Variants in XIRP2 observed in about 807,000 individuals in gnomAD.
The protein encoded by XIRP2 is xin actin-binding repeat-containing protein 2.
A neutral mutation model predicts 277.0 loss-of-function variants in XIRP2; 236 were observed. That is an observed-to-expected ratio of 0.85 (90% CI 0.77 to 0.95). The LOEUF is 0.95. Ranked by LOEUF, XIRP2 falls within the 40% of genes least tolerant of loss-of-function variation. XIRP2 has a pLI of 0.00. For missense variants in XIRP2, 4,640 were observed against 4,157.5 expected (o/e 1.12, Z -3.19); for synonymous variants, 1,490 against 1,416.5 (o/e 1.05, Z -1.17).
At position 167,245,807 on chromosome 2, in the gene XIRP2, A is replaced by C. The variant is rs1330913010; in HGVS notation, c.4415A>C (p.Glu1472Ala). ...DELRGEGLEY[E>A]NIKTVTQEDV... ...CTGAGAGGAGAAGGGTTAGAATATG[A>C]AAATATCAAGACAGTCACTCAGGAA... Residue 1472 changes from glutamate (E) to alanine (A), a missense_variant, in exon 9 of 11, where the codon GAA becomes GCA. Coordinates refer to ENST00000409195, the MANE Select transcript of XIRP2 (RefSeq NM_152381.6). 6.2e-7 allele frequency: 1 copy of C among 1,613,658 alleles called. No individual in the cohort carries two copies.
At position 167,258,193 on chromosome 2, in the gene XIRP2, C is replaced by A. The variant is rs767893817; in HGVS notation, c.*376C>A. On this transcript the variant is annotated 3_prime_UTR_variant, in exon 11 of 11. Transcript: ENST00000409195. Reference sequence around the variant, plus strand: ...CTTCCAAGGAGATCCCTAAGAAAACCTTACCCTTTGAGGAAGAGCTCAAAA... The same window carrying A: ...CTTCCAAGGAGATCCCTAAGAAAACATTACCCTTTGAGGAAGAGCTCAAAA... 6.2e-7 allele frequency: 1 copy of A among 1,613,018 alleles called. No homozygotes were observed. The highest frequency in any genetic ancestry group is 8.5e-7 in the Non-Finnish European group (1 of 1,179,560).
At chr2:167,078,413 G>A (rs1418934212) in intron 2 of XIRP2, among the ~76,000 whole-genome samples, 1 of 152,170 alleles carries the variant, frequency 6.6e-6, no homozygotes, top group Non-Finnish European at 1.5e-5. Flanking sequence ...TATTGTCAAT[G>A]AGGAGAGATA....
chr2:167,115,964 T>C (rs1364408690), intron 2 of XIRP2, among the ~76,000 whole-genome samples: 1 of 152,218 alleles, frequency 6.6e-6, no homozygotes, highest in African/African-American at 2.4e-5. Flanking sequence ...CTGTTTTTGA[T>C]CTCTAGATTG....
At chr2:166,907,515 A>T (rs191726366) in intron 2 of XIRP2, among the ~76,000 whole-genome samples, 2 of 152,146 alleles carry the variant, frequency 1.3e-5, no homozygotes, top group Admixed American at 1.3e-4. Flanking sequence ...GTCAGCGGGA[A>T]TCTGGCTATT....
At chr2:167,024,203 C>G (rs1192867873) in intron 2 of XIRP2, among the ~76,000 whole-genome samples, 4 of 151,980 alleles carry the variant, frequency 2.6e-5, no homozygotes, top group African/African-American at 4.8e-5. Flanking sequence ...GTATTTTATT[C>G]TCTTTGAAGC....
intron 2 of XIRP2, among the ~76,000 whole-genome samples, chr2:167,055,958 T>C (rs1038357311): frequency 1.3e-5 from 2 of 152,168 alleles, no homozygotes; most frequent in African/African-American, 4.8e-5. Context: ...TTTATAATTA[T>C]GTAATGTACC....
intron 2 of XIRP2, among the ~76,000 whole-genome samples, chr2:166,918,493 T>C (rs1054771638): frequency 6.6e-5 from 10 of 152,254 alleles, no homozygotes; most frequent in Non-Finnish European, 1.3e-4. Context: ...GGAAAAAATA[T>C]TCACTTATGG....
chr2:167,184,305 T>C (rs954558759), intron 3 of XIRP2, among the ~76,000 whole-genome samples: 1 of 152,220 alleles, frequency 6.6e-6, no homozygotes, highest in Non-Finnish European at 1.5e-5. Context: ...TTTCAACTGT[T>C]ACCAGCCCTC....
In XIRP2 at chr2:167,135,965, C is replaced by A; in HGVS notation, c.465C>A (p.Ser155Arg). The change falls in exon 3 of 11, where the codon AGC becomes AGA. Residue 155 changes from serine (S) to arginine (R), a missense_variant. Physicochemically the swap from Ser to Arg is moderately radical, Grantham distance 110. Coordinates refer to ENST00000409195, the MANE Select transcript of XIRP2 (RefSeq NM_152381.6). The part of the protein sequence containing the change: ...CSPAFKSHPG[S>R]QLEDSVKDSD... The stretch of plus-strand genomic sequence containing the variant: ...CAGCTTTTAAGAGTCACCCTGGGAG[C>A]CAGCTGGAGGATTCTGTGAAAGATT... 6.2e-7 allele frequency: 1 copy of A among 1,610,928 alleles called. No individual in the cohort carries two copies. Among genetic ancestry groups the A allele is most frequent in the Admixed American group, 1.7e-5 (1 of 59,354 alleles).
chr2:167,023,074 G>A (rs1402220224), intron 2 of XIRP2, among the ~76,000 whole-genome samples: 3 of 152,194 alleles, frequency 2.0e-5, no homozygotes, highest in Admixed American at 1.3e-4. Context: ...CCCACCAACA[G>A]TGTAAAAGTA....
At chr2:167,235,012 C>T (rs1322695818) in intron 5 of XIRP2, among the ~76,000 whole-genome samples, 1 of 151,726 alleles carries the variant, frequency 6.6e-6, no homozygotes, top group Non-Finnish European at 1.5e-5. Context: ...TTTTTCTTTT[C>T]CTATGTTGAA....
chr2:166,931,479 C>T (rs754360778), intron 2 of XIRP2, among the ~76,000 whole-genome samples: 4 of 152,152 alleles, frequency 2.6e-5, no homozygotes, highest in Non-Finnish European at 5.9e-5. Flanking sequence ...GATTAGATTT[C>T]CAGCACCACT....
chr2:167,021,934 T>C (rs532893832), intron 2 of XIRP2, among the ~76,000 whole-genome samples: 1 of 152,272 alleles, frequency 6.6e-6, no homozygotes, highest in African/African-American at 2.4e-5. Context: ...TTCAGATTTA[T>C]TTTCTGTATT....
In XIRP2 at chr2:166,916,385, C is replaced by T. The variant is rs1420704013; in HGVS notation, c.408+12495C>T. 3.3e-5 allele frequency among the ~76,000 whole-genome samples: 5 copies of T among 152,164 alleles called. No individual in the cohort carries two copies. In the East Asian group the frequency reaches 9.6e-4, roughly 29 times the overall value. ...TCTGACTCCCCATTCCCCACCCTCT[C>T]CTCTCATCAGTGTTTCTGAGGTAAC... On this transcript the variant is annotated intron_variant, in intron 2 of 10. Coordinates refer to ENST00000409195, the MANE Select transcript of XIRP2 (RefSeq NM_152381.6).
At chr2:166,892,346 T>C (rs983640342) in intron 1 of XIRP2, among the ~76,000 whole-genome samples, 1 of 151,684 alleles carries the variant, frequency 6.6e-6, no homozygotes, top group Non-Finnish European at 1.5e-5. Context: ...TGGGCCGGAG[T>C]ATGGTGGGTG....
At chr2:166,927,591 C>T (rs567658597) in intron 2 of XIRP2, among the ~76,000 whole-genome samples, 5 of 152,254 alleles carry the variant, frequency 3.3e-5, no homozygotes, top group South Asian at 2.1e-4. Flanking sequence ...CTCTGACCCC[C>T]GCTTCTACTT....
intron 2 of XIRP2, among the ~76,000 whole-genome samples, chr2:167,023,485 T>A (rs946783832): frequency 3.9e-5 from 6 of 152,046 alleles, no homozygotes; most frequent in South Asian, 4.2e-4. Flanking sequence ...CAATTTTGTC[T>A]TTTGTTGCCA....
At chr2:166,978,617 T>C (rs1051092453) in intron 2 of XIRP2, among the ~76,000 whole-genome samples, 1 of 152,204 alleles carries the variant, frequency 6.6e-6, no homozygotes, top group African/African-American at 2.4e-5. Context: ...GCTTTATTCT[T>C]TTGGGATATT....
chr2:167,212,765 G>T (rs1694092137), intron 4 of XIRP2, among the ~76,000 whole-genome samples: 1 of 152,152 alleles, frequency 6.6e-6, no homozygotes, highest in Middle Eastern at 3.4e-3. Flanking sequence ...ATATGGTTTG[G>T]CCCTAAGCAA....
Sources: allele counts gnomAD v4.1 joint callset (sites outside exome capture counted in the v4.1 genomes callset), GRCh38; gene constraint gnomAD v4.1.1; transcripts MANE v1.5; gene names NCBI Gene and HGNC (gene_info 2026-07-23, HGNC 2026-07-21).